Variants in ZFHX3 observed in about 807,000 individuals in gnomAD.
The protein encoded by ZFHX3 is zinc finger homeobox 3.
A neutral mutation model predicts 279.1 loss-of-function variants in ZFHX3; 42 were observed. That is an observed-to-expected ratio of 0.15 (90% CI 0.12 to 0.19). ZFHX3 has a LOEUF of 0.19. Among genes scored for constraint, ZFHX3 ranks in the 10% least tolerant of loss-of-function variants. The pLI, the probability that ZFHX3 is intolerant of heterozygous loss-of-function variation, is 1.00. For missense variants in ZFHX3, 4,981 were observed against 4,754.0 expected (o/e 1.05, Z -1.40); for synonymous variants, 2,293 against 1,957.8 (o/e 1.17, Z -4.52).
chr16:73,620,399 C>G (rs989632772), intron 2 of ZFHX3, among the ~76,000 whole-genome samples: 6 of 152,230 alleles, frequency 3.9e-5, no homozygotes, highest in Admixed American at 6.5e-5. Flanking sequence ...GACATTTCCA[C>G]CAGGTGGCTG....
intron 7 of ZFHX3, among the ~76,000 whole-genome samples, chr16:72,801,317 C>T (rs1009447346): frequency 6.6e-6 from 1 of 152,158 alleles, no homozygotes; most frequent in Non-Finnish European, 1.5e-5. Context: ...TCTTCACTGT[C>T]TGTTGCAAAG....
At chr16:72,849,415 T>C (rs753856254) in intron 4 of ZFHX3, among the ~76,000 whole-genome samples, 1 of 151,876 alleles carries the variant, frequency 6.6e-6, no homozygotes, top group Admixed American at 6.6e-5. Context: ...TGCCAGGAGG[T>C]TGAAATGTGC....
At chr16:73,239,187 C>T (rs575271094) in intron 5 of ZFHX3, among the ~76,000 whole-genome samples, 8 of 152,292 alleles carry the variant, frequency 5.3e-5, no homozygotes, top group African/African-American at 1.7e-4. Context: ...AGATTACAGG[C>T]CTCCAAAATA....
At position 73,599,057 on chromosome 16, in the gene ZFHX3, G is replaced by A. The variant is rs142480070; in HGVS notation, c.-1547+81123C>T. Among the ~76,000 whole-genome samples the A allele has an allele frequency of 8.2e-3, 1,249 of 152,296 alleles. 8 individuals are homozygous for A. Among genetic ancestry groups the A allele is most frequent in the South Asian group, 0.011 (53 of 4,830 alleles). On this transcript the variant is annotated intron_variant, in intron 2 of 17. Coordinates refer to the ZFHX3 transcript ENST00000641206. Reference sequence around the variant, plus strand: ...ATTACAGGTGTGAGCCACCACGCCCGGCCTTTGAATACTATCTTAAAGAGA... The same window carrying A: ...ATTACAGGTGTGAGCCACCACGCCCAGCCTTTGAATACTATCTTAAAGAGA...
chr16:72,914,714 G>GGGT (rs1468873356), intron 3 of ZFHX3, among the ~76,000 whole-genome samples: 2 of 152,112 alleles, frequency 1.3e-5, no homozygotes, highest in African/African-American at 4.8e-5. Flanking sequence ...AGGCTAGGCT[G>GGGT]GGTGCGGTGG....
intron 1 of ZFHX3, chr16:73,014,373 A>G (rs112727374): frequency 0.064 from 9,743 of 152,144 alleles, 422 homozygotes; most frequent in Non-Finnish European, 0.093. Flanking sequence ...TTAGACATGA[A>G]CATGCATACG....
intron 1 of ZFHX3, among the ~76,000 whole-genome samples, chr16:73,759,459 G>C (rs1183949704): frequency 6.6e-6 from 1 of 152,160 alleles, no homozygotes; most frequent in Non-Finnish European, 1.5e-5. Context: ...GCTGAGAAAT[G>C]TACACTGGGA....
At chr16:73,115,156 T>C (rs1966416815) in intron 7 of ZFHX3, among the ~76,000 whole-genome samples, 1 of 151,966 alleles carries the variant, frequency 6.6e-6, no homozygotes, top group East Asian at 1.9e-4. Context: ...GCCCCTCATC[T>C]CCAAGTCTCA....
chr16:73,205,376 GA>G (rs1254315127), intron 5 of ZFHX3, among the ~76,000 whole-genome samples: 16 of 152,272 alleles, frequency 1.1e-4, no homozygotes, highest in African/African-American at 3.9e-4. Flanking sequence ...CGCAACACAA[GA>G]CTGATTGTAT....
chr16:73,119,268 T>G (rs1373336376), intron 7 of ZFHX3, among the ~76,000 whole-genome samples: 1 of 152,092 alleles, frequency 6.6e-6, no homozygotes, highest in African/African-American at 2.4e-5. Flanking sequence ...TATGCCCAGC[T>G]AAATTTTAAA....
chr16:73,541,051 C>T (rs1298499523), intron 2 of ZFHX3, among the ~76,000 whole-genome samples: 1 of 152,164 alleles, frequency 6.6e-6, no homozygotes, highest in Non-Finnish European at 1.5e-5. Flanking sequence ...CAGGAGTTAC[C>T]CCAAAGCACC....
intron 4 of ZFHX3, among the ~76,000 whole-genome samples, chr16:72,868,736 C>A (rs1190121109): frequency 6.6e-6 from 1 of 152,240 alleles, no homozygotes; most frequent in African/African-American, 2.4e-5. Context: ...ATTCCTCAGG[C>A]ACAGAGAGCC....
intron 2 of ZFHX3, among the ~76,000 whole-genome samples, chr16:73,481,070 C>T (rs1255449759): frequency 6.6e-6 from 1 of 152,146 alleles, no homozygotes; most frequent in Non-Finnish European, 1.5e-5. Context: ...GTGGCTCACA[C>T]CTGTAATCCC....
intron 3 of ZFHX3, among the ~76,000 whole-genome samples, chr16:73,444,151 A>G (rs2018142181): frequency 6.6e-6 from 1 of 152,232 alleles, no homozygotes; most frequent in Non-Finnish European, 1.5e-5. Flanking sequence ...ATAAAATATT[A>G]GACAAAATAC....
intron 1 of ZFHX3, among the ~76,000 whole-genome samples, chr16:73,851,897 A>G (rs1961602530): frequency 6.6e-6 from 1 of 152,168 alleles, no homozygotes; most frequent in Non-Finnish European, 1.5e-5. Context: ...TTTGATTGTC[A>G]CAATGATAGG....
At chr16:73,640,925 A>C (rs553775112) in intron 2 of ZFHX3, among the ~76,000 whole-genome samples, 1 of 152,322 alleles carries the variant, frequency 6.6e-6, no homozygotes, top group African/African-American at 2.4e-5. Context: ...GGAATCTTAG[A>C]GAGGCTTCTA....
At position 73,202,699 on chromosome 16, in the gene ZFHX3, C is replaced by T. The variant is rs573811645; in HGVS notation, c.-1104+54348G>A. ...TCTGCTCCAGCCACACTCCACTGCT[C>T]GTTGGCCTTCTTTCATGTGATGCAC... On this transcript the variant is annotated intron_variant, in intron 5 of 17. Transcript: ENST00000641206. Among the ~76,000 whole-genome samples the T allele has an allele frequency of 3.0e-3, 461 of 152,234 alleles. 1 individual carries two copies. The highest frequency in any genetic ancestry group is 6.8e-3 in the Middle Eastern group (2 of 294).
chr16:72,860,386 A>C lies in ZFHX3; in HGVS notation c.3448+29345T>G, dbSNP rs570008789. ...CCCCTCTTTCCTTTCAGCGTTTAAC[A>C]AATATCAAACGTGTGTCCCTCCAAA... On this transcript the variant is annotated intron_variant, in intron 4 of 9. Transcript: ENST00000268489. Among the ~76,000 whole-genome samples, 4 of 152,266 alleles carry C rather than the reference A, an allele frequency of 2.6e-5. No individual in the cohort carries two copies. In the East Asian group the frequency reaches 7.7e-4, roughly 29 times the overall value.
At chr16:73,044,851 C>A (rs2144711483) in intron 1 of ZFHX3, among the ~76,000 whole-genome samples, 1 of 152,266 alleles carries the variant, frequency 6.6e-6, no homozygotes, top group Admixed American at 6.5e-5. Flanking sequence ...GAACTCCCAA[C>A]CTCAAGTGAT....
Sources: gnomAD v4.1 joint callset for allele counts (sites outside exome capture counted in the v4.1 genomes callset) on GRCh38, gnomAD v4.1.1 for gene constraint, MANE v1.5 for transcripts, NCBI Gene and HGNC (gene_info 2026-07-23, HGNC 2026-07-21) for gene names.